MICAL3: variants seen among roughly 807,000 people sequenced by gnomAD.
The protein encoded by MICAL3 is [F-actin]-monooxygenase MICAL3.
In MICAL3, 62 loss-of-function variants were observed where a neutral mutation model predicts 207.4. The ratio of observed to expected loss-of-function variants is 0.30; its 90% CI spans 0.24 to 0.37. The LOEUF (loss-of-function observed/expected upper bound fraction) is 0.37, where lower values mean the gene tolerates loss of function less well. Ranked by LOEUF, MICAL3 falls within the 10% of genes least tolerant of loss-of-function variation. MICAL3 has a pLI of 1.00. For synonymous variants in MICAL3, 1,077 were observed against 1,069.3 expected, an observed-to-expected ratio of 1.01 and a Z score of -0.14; for missense variants, 2,368 against 2,635.6, an observed-to-expected ratio of 0.90 and a Z score of 2.22.
rs1931187072 is a variant in MICAL3, at chr22:17,900,007, A to G, written c.848-459T>C. The stretch of plus-strand genomic sequence containing the variant: ...ATTAATCTAAAAAATAGATGTAATG[A>G]AAAGAAATCAAGTTCTAGAAAACAA... On this transcript the variant is annotated intron_variant, in intron 6 of 31. Coordinates refer to ENST00000441493, the MANE Select transcript of MICAL3 (RefSeq NM_015241.3). This position sits in a 1 kb window ranked among gnomAD's most constrained non-coding sequence, Gnocchi z 4.0. 6.6e-6 allele frequency among the ~76,000 whole-genome samples: 1 copy of G among 152,268 alleles called. No homozygotes were observed. Among genetic ancestry groups the G allele is most frequent in the African/African-American group, 2.4e-5 (1 of 41,474 alleles).
intron 1 of MICAL3, among the ~76,000 whole-genome samples, chr22:17,954,576 G>C (rs1934520180): frequency 6.6e-6 from 1 of 152,162 alleles, no homozygotes; most frequent in East Asian, 1.9e-4. Context: ...GAAGTACATA[G>C]ATGGGCCTAG....
At chr22:17,992,109 G>A (rs939839898) in intron 1 of MICAL3, among the ~76,000 whole-genome samples, 32 of 152,136 alleles carry the variant, frequency 2.1e-4, no homozygotes, top group Non-Finnish European at 4.4e-5. Flanking sequence ...AGTCCACTTG[G>A]GGCACCTATA....
chr22:17,895,060 A>G (rs866244542), intron 10 of MICAL3, among the ~76,000 whole-genome samples: 11 of 152,226 alleles, frequency 7.2e-5, no homozygotes, highest in Non-Finnish European at 1.5e-4. Context: ...GATTCCTATC[A>G]TGTTTGATTT....
chr22:17,971,192 G>A (rs1056296999), intron 1 of MICAL3, among the ~76,000 whole-genome samples: 6 of 151,184 alleles, frequency 4.0e-5, no homozygotes, highest in African/African-American at 9.7e-5. Flanking sequence ...AAAAGGGGGG[G>A]GCTGGGCGCT....
At chr22:17,876,112 A>G (rs571005063) in intron 16 of MICAL3, among the ~76,000 whole-genome samples, 1 of 152,294 alleles carries the variant, frequency 6.6e-6, no homozygotes, top group Admixed American at 6.5e-5. Context: ...CCAAAGAGCC[A>G]GCTGAATCCC....
chr22:17,871,480 C>G (rs1013550493), intron 17 of MICAL3, among the ~76,000 whole-genome samples: 3 of 152,218 alleles, frequency 2.0e-5, no homozygotes, highest in Non-Finnish European at 2.9e-5. Flanking sequence ...AAATATGTGA[C>G]TTCTATGGAT....
intron 19 of MICAL3, among the ~76,000 whole-genome samples, chr22:17,850,704 G>A (rs1021109264): frequency 1.3e-5 from 2 of 152,042 alleles, no homozygotes; most frequent in Admixed American, 1.3e-4. Flanking sequence ...GAGCCACCGT[G>A]CCTGGCCGAG....
intron 1 of MICAL3, among the ~76,000 whole-genome samples, chr22:17,957,727 AGAG>A (rs1251460815): frequency 2.4e-5 from 3 of 123,576 alleles, no homozygotes; most frequent in African/African-American, 4.0e-5. Flanking sequence ...AAAAAAAAAA[AGAG>A]AGAGAAAGAA....
At chr22:17,799,124 C>T (rs2061910223) in intron 29 of MICAL3, among the ~76,000 whole-genome samples, 1 of 152,138 alleles carries the variant, frequency 6.6e-6, no homozygotes, top group Admixed American at 6.5e-5. Flanking sequence ...TGGCTCACAC[C>T]TGTAATCCTA....
chr22:17,803,895 C>G (rs1290957970), intron 29 of MICAL3: 28 of 963,982 alleles, frequency 2.9e-5, no homozygotes, highest in Non-Finnish European at 3.2e-5. Flanking sequence ...GAGAGTTATT[C>G]CATCAGGTAG....
In MICAL3 at chr22:17,971,115, C is replaced by T. The variant is rs141679634; in HGVS notation, c.-75+53166G>A. Among the ~76,000 whole-genome samples the T allele has an allele frequency of 2.6e-3, 388 of 152,006 alleles. 2 individuals carry two copies. The highest frequency in any genetic ancestry group is 8.4e-3 in the African/African-American group (347 of 41,444). On this transcript the variant is annotated intron_variant, in intron 1 of 31. Transcript: ENST00000441493. Reference sequence around the variant, plus strand: ...CCACTTGAGCCCCAGAGGCGGAGGTCGCAGTGAGCTGAGATTGCACCACTG... The same window carrying T: ...CCACTTGAGCCCCAGAGGCGGAGGTTGCAGTGAGCTGAGATTGCACCACTG...
Position 17,834,578 on chromosome 22 carries a change from A to T in MICAL3, c.2802-2471T>A, listed in dbSNP as rs964643790. On this transcript the variant is annotated intron_variant, in intron 20 of 31. Coordinates refer to ENST00000441493, the MANE Select transcript of MICAL3 (RefSeq NM_015241.3). ...CAAAAAATAAAGATAAAAATAAATT[A>T]AAAATAACAAAAGCTCCTTATTCTC... is the stretch of plus-strand genomic sequence containing the variant. 4 of 1,130,082 alleles carry T rather than the reference A, an allele frequency of 3.5e-6. No homozygotes were observed. In the African/African-American group the frequency reaches 5.1e-5, roughly 14 times the overall value. The allele number at this position is 1,130,082 out of a possible 1,614,324, so 70.0% of individuals were successfully genotyped here.
chr22:17,794,607 G>A lies in MICAL3; in HGVS notation c.5651-3306C>T, dbSNP rs149466463. Among the ~76,000 whole-genome samples, 981 of 152,322 alleles carry A rather than the reference G, an allele frequency of 6.4e-3. 8 individuals are homozygous for A. The highest frequency in any genetic ancestry group is 0.022 in the African/African-American group (929 of 41,582). ...CCCCTCTCTCCCCCAGGAACAGGGA[G>A]AGCCAACCACCCCCTTTCCTTCTGG... On this transcript the variant is annotated intron_variant, in intron 29 of 31. Coordinates refer to ENST00000441493, the MANE Select transcript of MICAL3 (RefSeq NM_015241.3).
rs1297452005 is a variant in MICAL3, at chr22:17,876,748, G to GGGAGGTTAA, written c.2242-4734_2242-4726dup. On this transcript the variant is annotated intron_variant, in intron 16 of 31. Transcript: ENST00000441493. ...GAGGTTAGGGAGCTTATGGAGGTTA[G>GGGAGGTTAA]GGAGGTTAAGGAGGTTAGGGAAGTT... The GGGAGGTTAA allele has an allele frequency of 2.0e-5, 3 of 147,316 alleles. No homozygotes were observed. In the East Asian group the frequency reaches 6.0e-4, roughly 29 times the overall value. 9.1% of individuals were successfully genotyped at this position (147,316 alleles called of 1,614,324 possible). A position where few individuals can be genotyped will look rare whatever the true frequency, so the allele number is the denominator to read the frequency against.
chr22:17,881,384 G>T, intron 16 of MICAL3: 1 of 1,202,568 alleles, frequency 8.3e-7, no homozygotes, highest in Non-Finnish European at 1.2e-6. Context: ...AGGACTGAAG[G>T]GTGTTTGTCA....
At chr22:17,929,358 C>A (rs1174074996) in intron 1 of MICAL3, among the ~76,000 whole-genome samples, 3 of 150,552 alleles carry the variant, frequency 2.0e-5, no homozygotes. Flanking sequence ...CTGTCCTGGT[C>A]TCTCCAAGTG....
chr22:17,823,230 G>C (rs921218143), intron 22 of MICAL3, among the ~76,000 whole-genome samples, 170 bp from the exon 23 acceptor site: 2 of 152,198 alleles, frequency 1.3e-5, no homozygotes, highest in African/African-American at 2.4e-5. Flanking sequence ...ATGGGTGCTG[G>C]GGGGGGCCCG....
At chr22:17,842,179 T>C (rs912240138) in intron 19 of MICAL3, 162 bp from the exon 20 acceptor site, 2 of 652,054 alleles carry the variant, frequency 3.1e-6, no homozygotes, top group Non-Finnish European at 5.2e-6. Flanking sequence ...GACCCTGGCA[T>C]GTGAGAGGGA....
At chr22:17,965,518 A>G (rs1935107405) in intron 1 of MICAL3, among the ~76,000 whole-genome samples, 1 of 152,234 alleles carries the variant, frequency 6.6e-6, no homozygotes, top group African/African-American at 2.4e-5. Context: ...GCCCCCAGGA[A>G]TAACTGCAGC....
Sources: gnomAD v4.1 joint callset for allele counts (sites outside exome capture counted in the v4.1 genomes callset) on GRCh38, gnomAD v4.1.1 for gene constraint, Gnocchi (gnomAD v3.1) non-coding constraint, MANE v1.5 for transcripts, NCBI Gene and HGNC (gene_info 2026-07-23, HGNC 2026-07-21) for gene names.